Variants in CNTN5 observed in about 807,000 individuals in gnomAD.
The protein encoded by CNTN5 is contactin 5, also known as contactin-5.
CNTN5 carries 77 observed loss-of-function variants against 129.1 expected under a neutral mutation model. The ratio of observed to expected loss-of-function variants is 0.60; its 90% CI spans 0.50 to 0.72. The LOEUF is 0.72. Ranked by LOEUF, CNTN5 falls within the 30% of genes least tolerant of loss-of-function variation. The pLI, the probability that CNTN5 is intolerant of heterozygous loss-of-function variation, is 0.00. For missense variants in CNTN5, 1,478 were observed against 1,328.8 expected, an observed-to-expected ratio of 1.11 and a Z score of -1.75; for synonymous variants, 509 against 465.6, an observed-to-expected ratio of 1.09 and a Z score of -1.20.
At position 99,712,765 on chromosome 11, in the gene CNTN5, G is replaced by A. The variant is rs181977830; in HGVS notation, c.56-106779G>A. 9.9e-5 allele frequency among the ~76,000 whole-genome samples: 15 copies of A among 152,022 alleles called. No individual in the cohort carries two copies. The East Asian group carries it at 1.2e-3, about 12-fold the overall frequency. ...TTTCCCTATTGCTTGTTTTTGTCAC[G>A]TTTTTTAAAGATCAGATGGTTCTTG... On this transcript the variant is annotated intron_variant, in intron 3 of 24. Transcript: ENST00000524871.
At chr11:99,992,808 G>T (rs139336845) in intron 8 of CNTN5, among the ~76,000 whole-genome samples, 3 of 152,182 alleles carry the variant, frequency 2.0e-5, no homozygotes, top group Non-Finnish European at 4.4e-5. Context: ...AGAGTAATGT[G>T]CTTTCAGCTG....
chr11:99,239,954 A>AT (rs1475272247), intron 1 of CNTN5, among the ~76,000 whole-genome samples: 1 of 151,510 alleles, frequency 6.6e-6, no homozygotes, highest in African/African-American at 2.4e-5. Context: ...AAAAAAAAAA[A>AT]AATTTAAAAA....
chr11:99,233,995 A>G (rs1861140139), intron 1 of CNTN5, among the ~76,000 whole-genome samples: 1 of 152,206 alleles, frequency 6.6e-6, no homozygotes, highest in Non-Finnish European at 1.5e-5. Context: ...CATTTGCTAT[A>G]GAAATACAGC....
At chr11:100,313,211 T>C (rs980991545) in intron 21 of CNTN5, among the ~76,000 whole-genome samples, 1 of 151,910 alleles carries the variant, frequency 6.6e-6, no homozygotes, top group African/African-American at 2.4e-5. Flanking sequence ...TGCTCTTATA[T>C]GAAGAATGAA....
At chr11:99,940,026 C>T (rs1012875263) in intron 7 of CNTN5, among the ~76,000 whole-genome samples, 9 of 152,022 alleles carry the variant, frequency 5.9e-5, no homozygotes, top group East Asian at 3.9e-4. Context: ...ATGATTTTAC[C>T]GTCAGGATAC....
intron 2 of CNTN5, among the ~76,000 whole-genome samples, chr11:99,455,097 G>C (rs897763845): frequency 6.6e-6 from 1 of 152,134 alleles, no homozygotes; most frequent in Admixed American, 6.6e-5. Flanking sequence ...GATAGTCACA[G>C]GTTAATAGGA....
chr11:99,446,614 TG>T (rs1944082845), intron 2 of CNTN5, among the ~76,000 whole-genome samples: 2 of 152,238 alleles, frequency 1.3e-5, no homozygotes, highest in Admixed American at 1.3e-4. Flanking sequence ...TAATCTGGTC[TG>T]TATGCTAAAT....
intron 13 of CNTN5, among the ~76,000 whole-genome samples, chr11:100,085,684 C>T (rs1017734328): frequency 5.9e-5 from 9 of 151,914 alleles, no homozygotes; most frequent in African/African-American, 1.2e-4. Flanking sequence ...AAATAAGATA[C>T]GATTTTAAAT....
chr11:99,127,060 A>T (rs1858672979), intron 1 of CNTN5, among the ~76,000 whole-genome samples: 3 of 151,966 alleles, frequency 2.0e-5, no homozygotes, highest in Admixed American at 2.0e-4. Context: ...CCCAATTCCA[A>T]CTTACCTCTA....
chr11:100,290,398 C>G (rs1426926095), intron 18 of CNTN5, among the ~76,000 whole-genome samples: 142 of 149,852 alleles, frequency 9.5e-4, no homozygotes, highest in Non-Finnish European at 1.7e-3. Context: ...GGTACTGGTA[C>G]CAAAACAGAG....
chr11:99,180,526 G>T (rs777111466), intron 1 of CNTN5, among the ~76,000 whole-genome samples: 1 of 152,144 alleles, frequency 6.6e-6, no homozygotes, highest in Admixed American at 6.5e-5. Flanking sequence ...ATTGTTTTCC[G>T]ATAACTAACA....
At chr11:99,465,242 CA>C (rs1944885276) in intron 2 of CNTN5, among the ~76,000 whole-genome samples, 1 of 152,122 alleles carries the variant, frequency 6.6e-6, no homozygotes, top group Non-Finnish European at 1.5e-5. Context: ...CTGTGTTCTT[CA>C]GTTGATTTAG....
intron 1 of CNTN5, among the ~76,000 whole-genome samples, chr11:99,272,269 T>G (rs1863208490): frequency 6.6e-6 from 1 of 151,706 alleles, no homozygotes. Flanking sequence ...TGTTTTTATA[T>G]TCAATGGAGA....
At chr11:99,400,223 G>T (rs555109653) in intron 2 of CNTN5, among the ~76,000 whole-genome samples, 24 of 151,864 alleles carry the variant, frequency 1.6e-4, no homozygotes, top group South Asian at 4.2e-4. Context: ...TATCTCCAAG[G>T]GTTCAATAGT....
At position 99,810,761 on chromosome 11, in the gene CNTN5, C is replaced by T. The variant is rs539179823; in HGVS notation, c.56-8783C>T. Among the ~76,000 whole-genome samples the T allele has an allele frequency of 3.3e-5, 5 of 152,216 alleles. No homozygotes were observed. The South Asian group carries it at 1.0e-3, about 32-fold the overall frequency. On this transcript the variant is annotated intron_variant, in intron 3 of 24. Transcript: ENST00000524871. ...AAATTGCAGAGTTAACATTAATTCT[C>T]ATCAAAGAGAGGACAGCCTTAGCAA...
chr11:100,207,210 A>C (rs151182697), intron 15 of CNTN5, among the ~76,000 whole-genome samples: 1 of 152,238 alleles, frequency 6.6e-6, no homozygotes, highest in Non-Finnish European at 1.5e-5. Context: ...TGAGAGAAAT[A>C]AACTCGAGGA....
chr11:99,066,455 G>A (rs569760989), intron 1 of CNTN5, among the ~76,000 whole-genome samples: 1 of 152,200 alleles, frequency 6.6e-6, no homozygotes, highest in Non-Finnish European at 1.5e-5. Flanking sequence ...TACCTATAAT[G>A]TTAGTGAGGG....
intron 2 of CNTN5, among the ~76,000 whole-genome samples, chr11:99,462,898 AAC>A (rs1240650840): frequency 2.0e-5 from 3 of 152,080 alleles, no homozygotes; most frequent in Non-Finnish European, 4.4e-5. Flanking sequence ...CAGCCGGATA[AAC>A]ACGGTGAAAC....
chr11:99,324,116 T>G (rs1360249071), intron 1 of CNTN5, among the ~76,000 whole-genome samples: 1 of 152,206 alleles, frequency 6.6e-6, no homozygotes, highest in African/African-American at 2.4e-5. Context: ...AACAAAAATG[T>G]CAATTTCCTG....
Sources: allele counts gnomAD v4.1 joint callset (sites outside exome capture counted in the v4.1 genomes callset), GRCh38; gene constraint gnomAD v4.1.1; transcripts MANE v1.5; gene names NCBI Gene and HGNC (gene_info 2026-07-23, HGNC 2026-07-21).